The following OPHN1 variants were observed in gnomAD, a reference collection of about 807,000 sequenced individuals.
OPHN1 encodes oligophrenin-1.
In OPHN1, 11 loss-of-function variants were observed where a neutral mutation model predicts 60.7. The ratio of observed to expected loss-of-function variants is 0.18; its 90% CI spans 0.11 to 0.30. The LOEUF (loss-of-function observed/expected upper bound fraction) is 0.30, where lower values mean the gene tolerates loss of function less well. Among genes scored for constraint, OPHN1 ranks in the 10% least tolerant of loss-of-function variants. The probability of loss-of-function intolerance (pLI) is 1.00; values close to 1 mark genes in which losing one functional copy is unlikely to be tolerated. For synonymous variants in OPHN1, 226 were observed against 222.6 expected (o/e 1.02, Z -0.14); for missense variants, 449 against 611.0 (o/e 0.73, Z 2.80).
chrX:68,416,033 A>AATATATATAT (rs1163304135), intron 2 of OPHN1, among the ~76,000 whole-genome samples: 5 of 29,777 alleles, frequency 1.7e-4, no homozygotes, highest in African/African-American at 2.9e-4. Flanking sequence ...AAAATTATAT[A>AATATATATAT]ATATATATAT....
intron 2 of OPHN1, among the ~76,000 whole-genome samples, chrX:68,430,228 G>A (rs2078879396): frequency 8.9e-6 from 1 of 111,817 alleles, no homozygotes; most frequent in Non-Finnish European, 1.9e-5. Flanking sequence ...ACAGTGTGAG[G>A]AAGGAGAGTG....
At position 68,201,631 on chromosome X, in the gene OPHN1, T is replaced by C. The variant is rs2077535598; in HGVS notation, c.1013A>G (p.Glu338Gly). The change falls in exon 11 of 25, where the codon GAA (glutamate) becomes GGA (glycine). Residue 338 changes from glutamate to glycine, a missense_variant. By Grantham distance (98) the Glu-to-Gly change is moderately conservative. Coordinates refer to ENST00000355520, the MANE Select transcript of OPHN1 (RefSeq NM_002547.3). Reference sequence around the variant, plus strand: ...CGGCACAGCTTACCTTTCATTAGTTTCTATGTCAAAACAGAACCTCTTGTC... The same window carrying C: ...CGGCACAGCTTACCTTTCATTAGTTCCTATGTCAAAACAGAACCTCTTGTC... ...SIDKRFCFDI[E>G]TNERPGTITL... is the part of the protein sequence containing the mutation. The C allele has an allele frequency of 8.3e-7, 1 of 1,208,141 alleles. No homozygotes were observed. Among genetic ancestry groups the C allele is most frequent in the African/African-American group, 1.7e-5 (1 of 57,265 alleles).
At chrX:68,333,465 G>A (rs1216492808) in intron 2 of OPHN1, among the ~76,000 whole-genome samples, 1 of 109,905 alleles carries the variant, frequency 9.1e-6, no homozygotes, top group Non-Finnish European at 1.9e-5. Context: ...GCGAAAACCC[G>A]TCTCTACTAA....
Position 68,045,575 on chromosome X carries a change from G to A in OPHN1, c.*1597C>T, listed in dbSNP as rs2254886. The A allele has an allele frequency of 9.0e-6, 1 of 110,535 alleles. No homozygotes were observed. Among genetic ancestry groups the A allele is most frequent in the Non-Finnish European group, 1.9e-5 (1 of 52,832 alleles). The allele number at this position is 110,535 out of a possible 1,213,427, so 9.1% of individuals were successfully genotyped here. ...TGGGCAACATTATAATTATACAGAC[G>A]CTACAGACAAGCTACGGCCCAGGCA... On this transcript the variant is annotated 3_prime_UTR_variant, in exon 25 of 25. Coordinates refer to ENST00000355520, the MANE Select transcript of OPHN1 (RefSeq NM_002547.3).
chrX:68,267,499 T>C (rs1182902732), intron 5 of OPHN1, among the ~76,000 whole-genome samples: 1 of 111,832 alleles, frequency 8.9e-6, no homozygotes, highest in Non-Finnish European at 1.9e-5. Context: ...AGACGCAACA[T>C]ACCAGAATCT....
rs905154051 is a variant in OPHN1 at position 68,144,256 on chromosome X, C to T, written c.1277-24924G>A. ...TGTTGCCCAGTCTGGTCTCAAACTC[C>T]TGGGCTCAAGCAATCCTCTCACGTT... On this transcript the variant is annotated intron_variant, in intron 15 of 24. Coordinates refer to ENST00000355520, the MANE Select transcript of OPHN1 (RefSeq NM_002547.3). 6.2e-4 allele frequency among the ~76,000 whole-genome samples: 68 copies of T among 109,977 alleles called. 1 individual carries two copies. Among genetic ancestry groups the T allele is most frequent in the African/African-American group, 2.2e-3 (66 of 30,106 alleles).
At chrX:68,390,979 T>C (rs190949616) in intron 2 of OPHN1, among the ~76,000 whole-genome samples, 91 of 111,830 alleles carry the variant, frequency 8.1e-4, no homozygotes, top group African/African-American at 2.8e-3. Context: ...AATTCAGTCC[T>C]GGACTTTTCT....
intron 19 of OPHN1, among the ~76,000 whole-genome samples, chrX:68,083,709 C>A (rs997116949): frequency 1.8e-5 from 2 of 112,213 alleles, no homozygotes; most frequent in Non-Finnish European, 3.8e-5. Context: ...TTAATCATTT[C>A]TAGCTTTTGA....
intron 2 of OPHN1, among the ~76,000 whole-genome samples, chrX:68,369,086 T>C (rs952078180): frequency 9.1e-6 from 1 of 110,263 alleles, no homozygotes; most frequent in Non-Finnish European, 1.9e-5. Context: ...CACGTGCCTG[T>C]AGTCCCAGCT....
At chrX:68,065,102 T>A (rs1472214530) in intron 20 of OPHN1, among the ~76,000 whole-genome samples, 2 of 111,000 alleles carry the variant, frequency 1.8e-5, no homozygotes, top group Non-Finnish European at 3.8e-5. Context: ...GTAACAAACC[T>A]GCACGTTGTG....
chrX:68,141,789 T>C (rs188956974), intron 15 of OPHN1, among the ~76,000 whole-genome samples: 7 of 109,701 alleles, frequency 6.4e-5, no homozygotes, highest in African/African-American at 1.3e-4. Flanking sequence ...TTTATGGAGA[T>C]TGGATGCTCC....
intron 15 of OPHN1, among the ~76,000 whole-genome samples, chrX:68,126,384 T>C (rs768265811): frequency 9.0e-6 from 1 of 111,407 alleles, no homozygotes; most frequent in Admixed American, 9.5e-5. Flanking sequence ...TCTGACTAGA[T>C]GGTGATTTGT....
intron 2 of OPHN1, among the ~76,000 whole-genome samples, chrX:68,352,037 C>T (rs1333535738): frequency 1.8e-5 from 2 of 108,470 alleles, no homozygotes; most frequent in Non-Finnish European, 3.8e-5. Flanking sequence ...CCACCGCGCC[C>T]GGCTAATTTA....
chrX:68,217,748 G>C (rs2077621802), intron 6 of OPHN1, among the ~76,000 whole-genome samples: 1 of 108,741 alleles, frequency 9.2e-6, no homozygotes, highest in Admixed American at 1.0e-4. Flanking sequence ...CTAACAAACA[G>C]AAAGGACATC....
rs1406023859 is a variant in OPHN1, at chrX:68,133,174, T to C, written c.1277-13842A>G. ...TTCTTAATCAGAGTGAAGCTTGTGC[T>C]TCAGAAAGTCAACCTCACTCCTCAG... On this transcript the variant is annotated intron_variant, in intron 15 of 24. Transcript: ENST00000355520. 6.6e-6 allele frequency: 5 copies of C among 760,896 alleles called. No individual in the cohort carries two copies. The East Asian group carries it at 1.6e-4, about 24-fold the overall frequency. The allele number at this position is 760,896 out of a possible 1,213,427, so 62.7% of individuals were successfully genotyped here.
chrX:68,071,327 A>AAAT (rs2076933496), intron 20 of OPHN1: 6 of 757,353 alleles, frequency 7.9e-6, no homozygotes, highest in Non-Finnish European at 1.2e-5. Context: ...GAAGCTCGGA[A>AAAT]AGCTTCTATT....
intron 15 of OPHN1, among the ~76,000 whole-genome samples, chrX:68,173,198 T>G (rs1337618078): frequency 9.0e-6 from 1 of 111,525 alleles, no homozygotes; most frequent in Admixed American, 9.6e-5. Context: ...TCTCTCCACC[T>G]GCTGGTTGAG....
At chrX:68,208,776 C>T (rs1264733443) in intron 9 of OPHN1, among the ~76,000 whole-genome samples, 1 of 111,982 alleles carries the variant, frequency 8.9e-6, no homozygotes, top group Admixed American at 9.5e-5. Context: ...TGTGGCAATA[C>T]ATTAGAGACA....
intron 15 of OPHN1, among the ~76,000 whole-genome samples, chrX:68,140,331 C>T (rs1276555260): frequency 8.9e-6 from 1 of 112,078 alleles, no homozygotes; most frequent in East Asian, 2.8e-4. Flanking sequence ...TTTTATAATG[C>T]TAATGGTTAA....
Sources: gnomAD v4.1 joint callset for allele counts (sites outside exome capture counted in the v4.1 genomes callset) on GRCh38, gnomAD v4.1.1 for gene constraint, MANE v1.5 for transcripts, NCBI Gene and HGNC (gene_info 2026-07-23, HGNC 2026-07-21) for gene names.